Variants in ASPRV1 observed in about 807,000 individuals in gnomAD.
ASPRV1 encodes the protein retroviral-like aspartic protease 1.
A neutral mutation model predicts 11.0 loss-of-function variants in ASPRV1; 7 were observed. The ratio of observed to expected loss-of-function variants is 0.64; its 90% CI spans 0.36 to 1.20. ASPRV1 has a LOEUF of 1.20. ASPRV1 is among the 50% of genes most tolerant of loss of function. ASPRV1 has a pLI of 0.02. For missense variants in ASPRV1, 299 were observed against 320.0 expected, an observed-to-expected ratio of 0.93 and a Z score of 0.50; for synonymous variants, 136 against 138.4, an observed-to-expected ratio of 0.98 and a Z score of 0.12.
the ASPRV1 span, among the ~76,000 whole-genome samples, chr2:70,082,565 C>G: frequency 6.6e-6 from 1 of 152,102 alleles, no homozygotes; most frequent in Non-Finnish European, 1.5e-5. Context: ...ACACAATCAG[C>G]CGGGTGTGGC....
the ASPRV1 span, among the ~76,000 whole-genome samples, chr2:70,008,560 G>A: frequency 6.6e-6 from 1 of 151,964 alleles, no homozygotes; most frequent in East Asian, 1.9e-4. Flanking sequence ...TGGGCCGCAT[G>A]CAGCCCAGGA....
the ASPRV1 span, among the ~76,000 whole-genome samples, chr2:69,971,643 C>G: frequency 1.3e-5 from 2 of 152,214 alleles, no homozygotes; most frequent in African/African-American, 4.8e-5. Flanking sequence ...GTGCGGGGTG[C>G]TAAGAGCATC....
the ASPRV1 span, among the ~76,000 whole-genome samples, chr2:70,041,112 T>C: frequency 6.6e-6 from 1 of 152,186 alleles, no homozygotes; most frequent in Non-Finnish European, 1.5e-5. Flanking sequence ...ACATGGTCCA[T>C]CCATATTTAA....
chr2:70,008,258 G>A, the ASPRV1 span, among the ~76,000 whole-genome samples: 1 of 152,084 alleles, frequency 6.6e-6, no homozygotes, highest in South Asian at 2.1e-4. Context: ...GGCAGAATAT[G>A]AGTAATATAA....
the ASPRV1 span, among the ~76,000 whole-genome samples, chr2:69,943,254 G>A: frequency 6.6e-6 from 1 of 152,222 alleles, no homozygotes; most frequent in African/African-American, 2.4e-5. Flanking sequence ...GATGCAGGCT[G>A]TAAGCACTGC....
chr2:70,022,206 G>A, the ASPRV1 span, among the ~76,000 whole-genome samples: 2 of 151,450 alleles, frequency 1.3e-5, no homozygotes, highest in Non-Finnish European at 2.9e-5. Context: ...TAGTAGAGAC[G>A]GGGTTTCACC....
At chr2:70,057,286 A>G in the ASPRV1 span, among the ~76,000 whole-genome samples, 47 of 152,164 alleles carry the variant, frequency 3.1e-4, no homozygotes, top group South Asian at 9.3e-3. Flanking sequence ...CAGAAACAGT[A>G]TGGGTATATA....
chr2:69,992,079 G>A, the ASPRV1 span, among the ~76,000 whole-genome samples: 1 of 152,118 alleles, frequency 6.6e-6, no homozygotes, highest in South Asian at 2.1e-4. Context: ...GGACAGAGTT[G>A]AGAGAGCTCT....
chr2:69,968,945 CA>C, the ASPRV1 span, among the ~76,000 whole-genome samples: 1 of 152,248 alleles, frequency 6.6e-6, no homozygotes, highest in African/African-American at 2.4e-5. Context: ...CCTGAATCTC[CA>C]AATTCTCACT....
the ASPRV1 span, among the ~76,000 whole-genome samples, chr2:69,970,270 C>G: frequency 6.6e-6 from 1 of 152,112 alleles, no homozygotes; most frequent in Non-Finnish European, 1.5e-5. Context: ...CTCCTGCCTC[C>G]TCTCCATTAA....
At chr2:69,977,700 A>T in the ASPRV1 span, among the ~76,000 whole-genome samples, 2 of 152,216 alleles carry the variant, frequency 1.3e-5, no homozygotes, top group Admixed American at 6.5e-5. Context: ...ATGATCTTTT[A>T]GTCAATATAA....
chr2:69,943,234 T>G, the ASPRV1 span, among the ~76,000 whole-genome samples: 1 of 152,180 alleles, frequency 6.6e-6, no homozygotes, highest in African/African-American at 2.4e-5. Flanking sequence ...TTGTTTTGGG[T>G]GCCTCTAATG....
At chr2:70,065,182 G>A in the ASPRV1 span, among the ~76,000 whole-genome samples, 1 of 151,940 alleles carries the variant, frequency 6.6e-6, no homozygotes, top group Admixed American at 6.6e-5. Flanking sequence ...GTTGAGGCGG[G>A]TGGATCATGA....
At chr2:69,980,905 A>T in the ASPRV1 span, among the ~76,000 whole-genome samples, 2 of 152,158 alleles carry the variant, frequency 1.3e-5, no homozygotes, top group African/African-American at 4.8e-5. Context: ...CCTCCCGAGT[A>T]GCTGGGATTA....
At chr2:70,013,642 C>A in the ASPRV1 span, among the ~76,000 whole-genome samples, 9 of 152,174 alleles carry the variant, frequency 5.9e-5, no homozygotes, top group Non-Finnish European at 7.3e-5. Flanking sequence ...GTAATCCCAG[C>A]ACTTTGGGAG....
At chr2:70,060,099 TGA>T in the ASPRV1 span, 2 of 152,088 alleles carry the variant, frequency 1.3e-5, no homozygotes, top group African/African-American at 2.4e-5. Context: ...CCCAGCACTT[TGA>T]GAGACCGAAG....
the ASPRV1 span, among the ~76,000 whole-genome samples, chr2:70,054,537 A>G: frequency 2.0e-5 from 3 of 152,012 alleles, no homozygotes; most frequent in Non-Finnish European, 2.9e-5. Context: ...AGATCGCGCC[A>G]CTGCACTCCA....
At chr2:70,036,473 CT>C in the ASPRV1 span, among the ~76,000 whole-genome samples, 1 of 152,096 alleles carries the variant, frequency 6.6e-6, no homozygotes, top group Admixed American at 6.6e-5. Context: ...TCTAAAGACA[CT>C]TTATAGAATA....
the ASPRV1 span, among the ~76,000 whole-genome samples, chr2:70,001,326 C>T: frequency 4.4e-4 from 67 of 152,128 alleles, no homozygotes; most frequent in South Asian, 0.013. Flanking sequence ...CTCAGGAGTT[C>T]AAGACAAGCC....
Sources: allele counts gnomAD v4.1 joint callset (sites outside exome capture counted in the v4.1 genomes callset), GRCh38; gene constraint gnomAD v4.1.1; transcripts MANE v1.5; gene names NCBI Gene and HGNC (gene_info 2026-07-23, HGNC 2026-07-21).